GLB1: variants seen among roughly 807,000 people sequenced by gnomAD.
GLB1 encodes the protein beta-galactosidase.
A neutral mutation model predicts 74.0 loss-of-function variants in GLB1; 56 were observed. That is an observed-to-expected ratio of 0.76 (90% CI 0.61 to 0.94). GLB1 has a LOEUF of 0.94. Among genes scored for constraint, GLB1 ranks in the 40% least tolerant of loss-of-function variants. GLB1 has a pLI of 0.00. For missense variants in GLB1, 787 were observed against 845.5 expected (o/e 0.93, Z 0.86); for synonymous variants, 323 against 323.6 (o/e 1.00, Z 0.02).
intron 15 of GLB1, among the ~76,000 whole-genome samples, chr3:33,008,239 G>A (rs1168306980): frequency 6.6e-6 from 1 of 152,168 alleles, no homozygotes; most frequent in Non-Finnish European, 1.5e-5. Context: ...GAAGATCCAG[G>A]GAGGGCTTTC....
At chr3:32,998,854 A>C (rs1453126224) in intron 15 of GLB1, among the ~76,000 whole-genome samples, 1 of 152,102 alleles carries the variant, frequency 6.6e-6, no homozygotes, top group East Asian at 1.9e-4. Context: ...AGGGCTCCTC[A>C]GTCTTCTTAC....
intron 15 of GLB1, among the ~76,000 whole-genome samples, chr3:33,009,432 G>A (rs1052499930): frequency 5.3e-5 from 8 of 151,954 alleles, no homozygotes; most frequent in African/African-American, 1.9e-4. Flanking sequence ...TGAGACAGGA[G>A]GATCACTTGA....
chr3:32,999,523 A>G (rs896106596), intron 15 of GLB1, among the ~76,000 whole-genome samples: 16 of 152,146 alleles, frequency 1.1e-4, no homozygotes, highest in Non-Finnish European at 2.9e-5. Context: ...TAAGCATCCA[A>G]GAGATGGGCC....
chr3:32,999,984 A>T (rs1696485787), intron 15 of GLB1, among the ~76,000 whole-genome samples: 1 of 150,366 alleles, frequency 6.7e-6, no homozygotes, highest in African/African-American at 2.5e-5. Flanking sequence ...TTGAGGCAAG[A>T]TCTCACTCCA....
chr3:32,986,383 A>G, the GLB1 span, among the ~76,000 whole-genome samples: 1 of 152,350 alleles, frequency 6.6e-6, no homozygotes, highest in South Asian at 2.1e-4. Flanking sequence ...GTTATGTAAC[A>G]TAACTTAGCT....
chr3:32,994,920 CAAAAA>C (rs56169200), downstream of GLB1, among the ~76,000 whole-genome samples: 5 of 115,680 alleles, frequency 4.3e-5, no homozygotes, highest in Non-Finnish European at 9.1e-5. Context: ...GACTCTGTTT[CAAAAA>C]AAAAAAAAAA....
intron 15 of GLB1, among the ~76,000 whole-genome samples, chr3:33,011,152 C>T (rs1382326986): frequency 6.6e-6 from 1 of 152,016 alleles, no homozygotes; most frequent in African/African-American, 2.4e-5. Flanking sequence ...GCCACCACAC[C>T]CAGTAAAACA....
At chr3:32,987,180 T>G in the GLB1 span, among the ~76,000 whole-genome samples, 310 of 152,270 alleles carry the variant, frequency 2.0e-3, 2 homozygotes, top group Middle Eastern at 0.014. Context: ...CTGACACGGA[T>G]GGAAGGTTAA....
intron 1 of GLB1, chr3:33,077,500 C>A (rs1418462734): frequency 1.3e-5 from 9 of 715,574 alleles, no homozygotes; most frequent in African/African-American, 1.8e-5. Context: ...AAAAAGGGAA[C>A]CTCCCACTTC....
intron 1 of GLB1, among the ~76,000 whole-genome samples, chr3:33,088,231 T>C (rs1700605735): frequency 6.6e-6 from 1 of 152,182 alleles, no homozygotes; most frequent in African/African-American, 2.4e-5. Context: ...TTTTGCCACT[T>C]CTACTCAACA....
chr3:33,094,271 G>C, intron 1 of GLB1: 1 of 1,520,536 alleles, frequency 6.6e-7, no homozygotes. Context: ...AGAAAGGACA[G>C]TGGCCAAGGA....
At chr3:33,030,550 A>G in intron 10 of GLB1, 1 of 985,474 alleles carries the variant, frequency 1.0e-6, no homozygotes, top group South Asian at 4.7e-5. Context: ...AGCCAATGTC[A>G]TTCCAGTCAT....
At chr3:33,074,855 G>A (rs367767070) in intron 1 of GLB1, among the ~76,000 whole-genome samples, 5 of 152,312 alleles carry the variant, frequency 3.3e-5, no homozygotes, top group African/African-American at 9.6e-5. Context: ...AGCAACTGTG[G>A]CAGCATGAGT....
chr3:33,089,023 GA>G (rs1020865251), intron 1 of GLB1, among the ~76,000 whole-genome samples: 3 of 152,168 alleles, frequency 2.0e-5, no homozygotes, highest in African/African-American at 4.8e-5. Context: ...AAGATCTCTT[GA>G]TGTTAGAAAA....
At chr3:32,987,358 T>G in the GLB1 span, among the ~76,000 whole-genome samples, 5 of 152,242 alleles carry the variant, frequency 3.3e-5, no homozygotes, top group African/African-American at 1.2e-4. Flanking sequence ...AGCAGAATCA[T>G]GAACTAAACA....
intron 15 of GLB1, among the ~76,000 whole-genome samples, chr3:33,012,836 C>A (rs1375519957): frequency 2.0e-5 from 3 of 152,182 alleles, no homozygotes; most frequent in African/African-American, 7.2e-5. Context: ...ATTGATCCAA[C>A]TTTGAACATC....
At chr3:33,061,871 C>T (rs965014572) in intron 5 of GLB1, among the ~76,000 whole-genome samples, 2 of 152,114 alleles carry the variant, frequency 1.3e-5, no homozygotes, top group African/African-American at 2.4e-5. Context: ...TCAGCTAATC[C>T]CCCCAAAAGA....
intron 15 of GLB1, among the ~76,000 whole-genome samples, chr3:33,001,401 A>C (rs1241378352): frequency 1.3e-5 from 2 of 152,066 alleles, no homozygotes; most frequent in Non-Finnish European, 2.9e-5. Flanking sequence ...ACTTTCAGTT[A>C]GTTTTGCTTG....
At chr3:33,011,853 C>T (rs1439874805) in intron 15 of GLB1, among the ~76,000 whole-genome samples, 1 of 152,102 alleles carries the variant, frequency 6.6e-6, no homozygotes, top group East Asian at 1.9e-4. Flanking sequence ...TCAAGTATTC[C>T]TGTTCGTATT....
Sources: allele counts gnomAD v4.1 joint callset (sites outside exome capture counted in the v4.1 genomes callset), GRCh38; gene constraint gnomAD v4.1.1; transcripts MANE v1.5; gene names NCBI Gene and HGNC (gene_info 2026-07-23, HGNC 2026-07-21).